HDAC9: variants seen among roughly 807,000 people sequenced by gnomAD.
HDAC9 encodes the protein histone deacetylase 9.
A neutral mutation model predicts 139.4 loss-of-function variants in HDAC9; 41 were observed. That is an observed-to-expected ratio of 0.29 (90% CI 0.23 to 0.38). The LOEUF (loss-of-function observed/expected upper bound fraction) is 0.38. Ranked by LOEUF, HDAC9 falls within the 10% of genes least tolerant of loss-of-function variation. The pLI, the probability that HDAC9 is intolerant of heterozygous loss-of-function variation, is 1.00. For missense variants in HDAC9, 1,147 were observed against 1,297.0 expected (o/e 0.88, Z 1.78); for synonymous variants, 517 against 476.2 (o/e 1.09, Z -1.12).
intron 24 of HDAC9, among the ~76,000 whole-genome samples, chr7:18,972,820 T>G (rs1784330734): frequency 6.6e-6 from 1 of 152,352 alleles, no homozygotes; most frequent in Non-Finnish European, 1.5e-5. Context: ...AGTTTCAACA[T>G]GATTGTCTCA....
intron 17 of HDAC9, among the ~76,000 whole-genome samples, chr7:18,796,696 A>G (rs1012105382): frequency 4.6e-5 from 7 of 152,242 alleles, no homozygotes; most frequent in African/African-American, 7.2e-5. Context: ...TGTATTGGAA[A>G]TCATAATTGG....
intron 2 of HDAC9, among the ~76,000 whole-genome samples, chr7:18,177,087 G>A (rs561554950): frequency 3.4e-4 from 51 of 152,218 alleles, no homozygotes; most frequent in African/African-American, 1.2e-3. Flanking sequence ...CTGATAATCC[G>A]CCTACCCATC....
At chr7:18,514,723 T>C (rs1802622964) in intron 2 of HDAC9, among the ~76,000 whole-genome samples, 1 of 152,176 alleles carries the variant, frequency 6.6e-6, no homozygotes, top group South Asian at 2.1e-4. Context: ...GAGGATAGCT[T>C]GAGGCCAGGA....
intron 1 of HDAC9, among the ~76,000 whole-genome samples, chr7:18,476,479 C>T (rs993850273): frequency 4.0e-5 from 6 of 151,532 alleles, no homozygotes; most frequent in African/African-American, 7.3e-5. Flanking sequence ...GAGGCTAAGA[C>T]GGCTGACTAG....
intron 19 of HDAC9, 35 bp downstream of exon 19, chr7:18,829,583 A>T (rs1372353209): frequency 1.5e-6 from 2 of 1,331,234 alleles, no homozygotes; most frequent in East Asian, 4.6e-5. Flanking sequence ...ATTTTCAGTG[A>T]TTCTAGATAA....
chr7:18,671,567 C>T lies in HDAC9; in HGVS notation c.1731+5091C>T, dbSNP rs1795678861. ...GTTCTCGGCTTCTTCTGCATTTTAA[C>T]TCAAGTATAGGCAATTCTCACTATA... On this transcript the variant is annotated intron_variant, in intron 12 of 25. Coordinates refer to ENST00000686413, the MANE Select transcript of HDAC9 (RefSeq NM_178425.4). Among the ~76,000 whole-genome samples, 4 of 151,992 alleles carry T rather than the reference C, an allele frequency of 2.6e-5. No homozygotes were observed. In the South Asian group the frequency reaches 8.3e-4, roughly 31 times the overall value.
At chr7:18,839,660 T>C (rs1019449942) in intron 21 of HDAC9, among the ~76,000 whole-genome samples, 1 of 152,082 alleles carries the variant, frequency 6.6e-6, no homozygotes, top group Non-Finnish European at 1.5e-5. Context: ...TTAAAAACTA[T>C]GCTCTACAAA....
intron 1 of HDAC9, among the ~76,000 whole-genome samples, chr7:18,399,829 T>A (rs188187206): frequency 1.7e-3 from 256 of 152,328 alleles, no homozygotes; most frequent in African/African-American, 5.8e-3. Context: ...TGCATAAGGC[T>A]CCCAGGCACC....
intron 12 of HDAC9, among the ~76,000 whole-genome samples, chr7:18,712,042 A>G (rs1315137199): frequency 6.6e-6 from 1 of 152,096 alleles, no homozygotes; most frequent in African/African-American, 2.4e-5. Context: ...GTGCAGGATG[A>G]AGGATGTGTA....
At chr7:18,798,761 A>G (rs1250592577) in intron 17 of HDAC9, among the ~76,000 whole-genome samples, 1 of 152,158 alleles carries the variant, frequency 6.6e-6, no homozygotes, top group Non-Finnish European at 1.5e-5. Flanking sequence ...GAGGTGGTGG[A>G]TAACAATGGG....
At chr7:18,568,563 A>G (rs1307996528) in intron 2 of HDAC9, among the ~76,000 whole-genome samples, 1 of 152,224 alleles carries the variant, frequency 6.6e-6, no homozygotes, top group East Asian at 1.9e-4. Flanking sequence ...AAAGTCTAAA[A>G]TTAGTATATC....
chr7:18,210,722 T>C (rs1203363685), intron 2 of HDAC9, among the ~76,000 whole-genome samples: 1 of 152,224 alleles, frequency 6.6e-6, no homozygotes, highest in Non-Finnish European at 1.5e-5. Context: ...TCTTTTCTAC[T>C]TCTAGATTTG....
intron 1 of HDAC9, among the ~76,000 whole-genome samples, chr7:18,468,843 T>C (rs961767985): frequency 6.6e-6 from 1 of 152,238 alleles, no homozygotes; most frequent in African/African-American, 2.4e-5. Flanking sequence ...GATATTTCTT[T>C]ATATTCTCTG....
chr7:18,104,454 AT>A (rs1291518193), intron 1 of HDAC9, among the ~76,000 whole-genome samples: 2 of 152,180 alleles, frequency 1.3e-5, no homozygotes, highest in African/African-American at 4.8e-5. Context: ...TTAAAAAAAG[AT>A]TTGAGGCACT....
chr7:18,319,128 C>G (rs996628116), intron 1 of HDAC9, among the ~76,000 whole-genome samples: 5 of 152,198 alleles, frequency 3.3e-5, no homozygotes, highest in African/African-American at 1.2e-4. Flanking sequence ...AGCTGATAAT[C>G]TTAAAAACGC....
intron 2 of HDAC9, among the ~76,000 whole-genome samples, chr7:18,235,206 C>T (rs796477002): frequency 7.2e-5 from 11 of 152,108 alleles, no homozygotes; most frequent in African/African-American, 2.7e-4. Flanking sequence ...TAAATGAAAA[C>T]ATTTTTGTGT....
At chr7:18,814,872 A>T (rs914305846) in intron 17 of HDAC9, among the ~76,000 whole-genome samples, 12 of 152,226 alleles carry the variant, frequency 7.9e-5, no homozygotes, top group African/African-American at 2.9e-4. Flanking sequence ...AGACATTTTG[A>T]TAATAGTTAT....
intron 2 of HDAC9, among the ~76,000 whole-genome samples, chr7:18,554,890 G>GTCC (rs1818325365): frequency 6.6e-6 from 1 of 152,106 alleles, no homozygotes. Context: ...TCTGTTAAGG[G>GTCC]TCCTTTCTAT....
intron 22 of HDAC9, among the ~76,000 whole-genome samples, chr7:18,890,611 T>G (rs1160629361): frequency 6.6e-6 from 1 of 152,228 alleles, no homozygotes; most frequent in African/African-American, 2.4e-5. Context: ...AAGAAGAGTT[T>G]ATGCTGCTCA....
Sources: allele counts gnomAD v4.1 joint callset (sites outside exome capture counted in the v4.1 genomes callset), GRCh38; gene constraint gnomAD v4.1.1; transcripts MANE v1.5; gene names NCBI Gene and HGNC (gene_info 2026-07-23, HGNC 2026-07-21).